Variants in WDR27 observed in about 807,000 individuals in gnomAD.
WDR27 encodes WD repeat-containing protein 27.
WDR27 carries 100 observed loss-of-function variants against 114.4 expected under a neutral mutation model. The observed-to-expected ratio is 0.87, with a 90% CI of 0.74 to 1.03. The LOEUF is 1.03. Ranked by LOEUF, WDR27 falls within the 50% of genes least tolerant of loss-of-function variation. WDR27 has a pLI of 0.00. For missense variants in WDR27, 1,129 were observed against 1,092.9 expected (o/e 1.03, Z -0.47); for synonymous variants, 449 against 423.1 (o/e 1.06, Z -0.75).
intron 25 of WDR27, among the ~76,000 whole-genome samples, chr6:169,540,399 A>G (rs897316860): frequency 5.3e-5 from 8 of 150,902 alleles, no homozygotes; most frequent in African/African-American, 9.7e-5. Context: ...AAGATTTTCT[A>G]TCTTCTCAGT....
chr6:169,611,258 T>A (rs919313317), intron 22 of WDR27, among the ~76,000 whole-genome samples: 1 of 151,924 alleles, frequency 6.6e-6, no homozygotes, highest in African/African-American at 2.4e-5. Flanking sequence ...AATATTTTTA[T>A]TTCCTCAGTA....
intron 1 of WDR27, among the ~76,000 whole-genome samples, chr6:169,693,290 G>A (rs1202854301): frequency 6.6e-6 from 1 of 152,184 alleles, no homozygotes; most frequent in Non-Finnish European, 1.5e-5. Context: ...CAAATGCTGA[G>A]AGAATTTGCC....
intron 2 of WDR27, among the ~76,000 whole-genome samples, chr6:169,685,644 CAG>C (rs1782724893): frequency 6.6e-6 from 1 of 151,946 alleles, no homozygotes; most frequent in African/African-American, 2.4e-5. Context: ...AACTTGAAGA[CAG>C]GACTTTTGAA....
intron 25 of WDR27, among the ~76,000 whole-genome samples, chr6:169,568,134 G>A (rs1445010323): frequency 2.0e-5 from 3 of 151,896 alleles, no homozygotes; most frequent in Non-Finnish European, 4.4e-5. Context: ...ACAGGTCCGT[G>A]GAAGCCTGAG....
intron 25 of WDR27, among the ~76,000 whole-genome samples, chr6:169,531,715 G>A (rs1206029401): frequency 6.7e-6 from 1 of 150,128 alleles, no homozygotes; most frequent in African/African-American, 2.5e-5. Context: ...GTGCAGTGGT[G>A]CGATCTCAGC....
At chr6:169,502,320 G>A (rs1791390787) in intron 25 of WDR27, among the ~76,000 whole-genome samples, 1 of 152,166 alleles carries the variant, frequency 6.6e-6, no homozygotes, top group Non-Finnish European at 1.5e-5. Context: ...AGATTCCCCC[G>A]GAAGCTGAAG....
chr6:169,614,661 CT>C (rs1184420981), intron 21 of WDR27, among the ~76,000 whole-genome samples: 2 of 150,638 alleles, frequency 1.3e-5, no homozygotes, highest in Admixed American at 6.6e-5. Context: ...GCACTCCAGC[CT>C]GGGCAACAGA....
intron 25 of WDR27, among the ~76,000 whole-genome samples, chr6:169,510,993 C>T (rs1441546029): frequency 6.6e-6 from 1 of 152,150 alleles, no homozygotes; most frequent in Non-Finnish European, 1.5e-5. Context: ...TCACAAGCAA[C>T]ATCAGCAGCT....
the WDR27 span, among the ~76,000 whole-genome samples, chr6:169,432,629 A>G: frequency 6.6e-6 from 1 of 152,206 alleles, no homozygotes; most frequent in Admixed American, 6.6e-5. Context: ...TTTCACCATG[A>G]GCATGAGGCC....
intron 2 of WDR27, among the ~76,000 whole-genome samples, chr6:169,686,539 C>T (rs1242421935): frequency 6.6e-6 from 1 of 152,048 alleles, no homozygotes; most frequent in African/African-American, 2.4e-5. Flanking sequence ...AATAAAGACA[C>T]ACATAGTCTT....
rs139196405 is a variant in WDR27 at position 169,502,473 on chromosome 6, C to T, written c.2646-44839G>A. On this transcript the variant is annotated intron_variant, in intron 25 of 25. Coordinates refer to ENST00000448612, the MANE Select transcript of WDR27 (RefSeq NM_182552.5). ...TTAAAACAACACCAGTTTATTCTTC[C>T]GGGTCTGTAGGTCGTAAGTCCCGAA... Among the ~76,000 whole-genome samples, 232 of 152,280 alleles carry T rather than the reference C, an allele frequency of 1.5e-3. 1 individual carries two copies. The highest frequency in any genetic ancestry group is 5.3e-3 in the African/African-American group (221 of 41,556).
intron 17 of WDR27, among the ~76,000 whole-genome samples, chr6:169,640,027 C>T (rs1260609381): frequency 6.6e-6 from 1 of 152,132 alleles, no homozygotes; most frequent in Non-Finnish European, 1.5e-5. Flanking sequence ...GCCCTGCAGC[C>T]TCTGACCCCT....
chr6:169,649,311 T>C, intron 14 of WDR27, 36 bp from the exon 15 acceptor site: 2 of 1,500,758 alleles, frequency 1.3e-6, no homozygotes, highest in Non-Finnish European at 1.8e-6. Flanking sequence ...CTCTCAAATA[T>C]TAAGAGGTCT....
At chr6:169,697,418 A>C (rs1414606333) in intron 1 of WDR27, among the ~76,000 whole-genome samples, 8 of 152,138 alleles carry the variant, frequency 5.3e-5, no homozygotes. Context: ...TACTTAGCAG[A>C]CCGGGAAAGG....
At chr6:169,516,010 C>T (rs574075739) in intron 25 of WDR27, among the ~76,000 whole-genome samples, 3 of 152,168 alleles carry the variant, frequency 2.0e-5, no homozygotes, top group Admixed American at 6.5e-5. Flanking sequence ...GTAACTCCAG[C>T]ATTCATCTGG....
chr6:169,642,750 G>A (rs1819552085), intron 17 of WDR27, among the ~76,000 whole-genome samples: 1 of 152,190 alleles, frequency 6.6e-6, no homozygotes, highest in African/African-American at 2.4e-5. Context: ...TCCCAGGTGT[G>A]GCCTTGCCTA....
chr6:169,632,432 G>C (rs986281703), intron 21 of WDR27, among the ~76,000 whole-genome samples: 20 of 152,132 alleles, frequency 1.3e-4, no homozygotes, highest in African/African-American at 4.8e-4. Context: ...GCCCTCTTGG[G>C]TACCAAGTGT....
Position 169,516,398 on chromosome 6 carries a change from C to G in WDR27, c.2645+56021G>C, listed in dbSNP as rs1036761359. Among the ~76,000 whole-genome samples the G allele has an allele frequency of 2.0e-5, 3 of 152,280 alleles. No individual in the cohort carries two copies. In the East Asian group the frequency reaches 5.8e-4, roughly 29 times the overall value. On this transcript the variant is annotated intron_variant, in intron 25 of 25. Transcript: ENST00000448612. ...ATAATTTACTGTGACCTATCTGATG[C>G]CTCCCTGGAAGACTGGCTTAAAAGG...
At chr6:169,497,372 T>G (rs1385533935) in intron 25 of WDR27, among the ~76,000 whole-genome samples, 1 of 151,884 alleles carries the variant, frequency 6.6e-6, no homozygotes. Flanking sequence ...GGTATAACAC[T>G]CAAAGGCAAA....
Sources: gnomAD v4.1 joint callset for allele counts (sites outside exome capture counted in the v4.1 genomes callset) on GRCh38, gnomAD v4.1.1 for gene constraint, MANE v1.5 for transcripts, NCBI Gene and HGNC (gene_info 2026-07-23, HGNC 2026-07-21) for gene names.